GALNT14: variants seen among roughly 807,000 people sequenced by gnomAD.
GALNT14 encodes the protein UDP-GalNAc:polypeptide N-acetylgalactosaminyltransferase 14.
Under a neutral mutation model 77.5 loss-of-function variants are expected in GALNT14, and 60 were observed. The observed-to-expected ratio is 0.77, with a 90% CI of 0.63 to 0.96. The LOEUF (loss-of-function observed/expected upper bound fraction) is 0.96, where lower values mean the gene tolerates loss of function less well. GALNT14 is among the 40% of genes least tolerant of loss of function. GALNT14 has a pLI of 0.00. For synonymous variants in GALNT14, 280 were observed against 281.7 expected (o/e 0.99, Z 0.06); for missense variants, 710 against 731.0 (o/e 0.97, Z 0.33).
At chr2:31,023,100 G>C (rs1457272848) in intron 1 of GALNT14, among the ~76,000 whole-genome samples, 3 of 152,118 alleles carry the variant, frequency 2.0e-5, no homozygotes, top group Admixed American at 2.0e-4. Context: ...AGATATGGGA[G>C]AGTTTTCTAA....
At chr2:31,130,722 C>T (rs1678932687) in intron 1 of GALNT14, among the ~76,000 whole-genome samples, 1 of 146,042 alleles carries the variant, frequency 6.8e-6, no homozygotes, top group African/African-American at 2.6e-5. Context: ...TGCAGAATTC[C>T]CCAGGGTACC....
intron 1 of GALNT14, among the ~76,000 whole-genome samples, chr2:31,082,816 G>A (rs752360404): frequency 2.6e-5 from 4 of 152,102 alleles, no homozygotes; most frequent in Admixed American, 6.5e-5. Context: ...TCAAAAGACC[G>A]AGACCATCCT....
intron 2 of GALNT14, among the ~76,000 whole-genome samples, chr2:30,977,838 A>C (rs1168302585): frequency 2.6e-5 from 4 of 152,032 alleles, no homozygotes; most frequent in Non-Finnish European, 4.4e-5. Flanking sequence ...CCAATACTGC[A>C]CTCAAATCTG....
At chr2:30,953,565 C>T (rs1235400681) in intron 6 of GALNT14, among the ~76,000 whole-genome samples, 2 of 152,198 alleles carry the variant, frequency 1.3e-5, no homozygotes, top group South Asian at 2.1e-4. Flanking sequence ...ACCTTGGCCT[C>T]CCAAAGTGCT....
intron 1 of GALNT14, among the ~76,000 whole-genome samples, chr2:31,031,287 C>G (rs1672395476): frequency 6.6e-6 from 1 of 152,040 alleles, no homozygotes; most frequent in Admixed American, 6.6e-5. Context: ...GTCCCAAACT[C>G]TCTATCCTAA....
At chr2:31,091,510 G>T (rs1676737268) in intron 1 of GALNT14, among the ~76,000 whole-genome samples, 1 of 152,244 alleles carries the variant, frequency 6.6e-6, no homozygotes, top group South Asian at 2.1e-4. Context: ...CCACTCCTGT[G>T]AAAGGATCTA....
chr2:30,951,664 A>G lies in GALNT14; in HGVS notation c.654+3954T>C, dbSNP rs146095611. 5.7e-3 allele frequency among the ~76,000 whole-genome samples: 874 copies of G among 152,348 alleles called. 5 individuals carry two copies. The highest frequency in any genetic ancestry group is 0.01 in the Non-Finnish European group (712 of 68,034). ...ACAAAACACGCACACACATGCACGC[A>G]CACGTGCACACATACACACATGCAC... On this transcript the variant is annotated intron_variant, in intron 6 of 14. Transcript: ENST00000349752.
In GALNT14 at chr2:30,910,882, C is replaced by G; in HGVS notation, c.*19G>C. The G allele has an allele frequency of 6.2e-7, 1 of 1,612,288 alleles. No individual in the cohort carries two copies. Among genetic ancestry groups the G allele is most frequent in the Non-Finnish European group, 8.5e-7 (1 of 1,179,166 alleles). ...GGGAAGCACCACCCCATGGCCCTTG[C>G]TGCTTCTGGCAGGGGTCCTCAAGAG... On this transcript the variant is annotated 3_prime_UTR_variant, in exon 15 of 15. Transcript: ENST00000349752.
At chr2:30,951,440 G>A (rs562015121) in intron 6 of GALNT14, among the ~76,000 whole-genome samples, 2 of 152,242 alleles carry the variant, frequency 1.3e-5, no homozygotes, top group East Asian at 3.9e-4. Flanking sequence ...GAGAAGAGGA[G>A]AATGAGGAGT....
At chr2:30,949,959 GA>G (rs1237723250) in intron 6 of GALNT14, among the ~76,000 whole-genome samples, 4 of 152,222 alleles carry the variant, frequency 2.6e-5, no homozygotes, top group African/African-American at 9.6e-5. Context: ...CAGCTGGGTT[GA>G]CAGGACACCT....
chr2:31,062,504 T>C (rs775752380), intron 1 of GALNT14, among the ~76,000 whole-genome samples: 1 of 152,238 alleles, frequency 6.6e-6, no homozygotes, highest in Non-Finnish European at 1.5e-5. Flanking sequence ...CTATTGCAAA[T>C]AGTGCTGCAG....
chr2:31,014,816 C>T, intron 1 of GALNT14, among the ~76,000 whole-genome samples: 1 of 152,218 alleles, frequency 6.6e-6, no homozygotes, highest in East Asian at 1.9e-4. Flanking sequence ...GTGGGTTGTA[C>T]CCTTACACCA....
chr2:31,019,677 T>C (rs1371633112), intron 1 of GALNT14, among the ~76,000 whole-genome samples: 1 of 151,894 alleles, frequency 6.6e-6, no homozygotes, highest in Non-Finnish European at 1.5e-5. Flanking sequence ...TTCCTGGGAG[T>C]GGCAGCTTGA....
chr2:31,041,664 A>C (rs558823627), intron 1 of GALNT14, among the ~76,000 whole-genome samples: 4 of 152,212 alleles, frequency 2.6e-5, no homozygotes, highest in Admixed American at 6.5e-5. Flanking sequence ...AGATGATGGG[A>C]AGAAGGTGAG....
chr2:31,051,140 C>T (rs1479700985), intron 1 of GALNT14, among the ~76,000 whole-genome samples: 1 of 152,158 alleles, frequency 6.6e-6, no homozygotes, highest in Admixed American at 6.5e-5. Context: ...GTGGTTACAC[C>T]CTTCCTTGGC....
At chr2:30,914,786 G>A (rs537341039) in intron 13 of GALNT14, among the ~76,000 whole-genome samples, 4 of 152,294 alleles carry the variant, frequency 2.6e-5, no homozygotes, top group East Asian at 1.9e-4. Flanking sequence ...TGAGACCCAC[G>A]CAGGGTTTTG....
At chr2:31,098,488 G>A (rs1677103057) in intron 1 of GALNT14, among the ~76,000 whole-genome samples, 1 of 152,062 alleles carries the variant, frequency 6.6e-6, no homozygotes, top group Non-Finnish European at 1.5e-5. Context: ...AATTAAAAAG[G>A]CATGCAATGA....
intron 1 of GALNT14, among the ~76,000 whole-genome samples, chr2:31,004,070 T>C (rs1442875707): frequency 1.3e-5 from 2 of 152,214 alleles, no homozygotes; most frequent in African/African-American, 4.8e-5. Context: ...GAAGAACACA[T>C]CCCAATTGCC....
intron 1 of GALNT14, among the ~76,000 whole-genome samples, chr2:31,008,091 C>T (rs867498): frequency 0.29 from 43,856 of 151,816 alleles, 6,571 homozygotes; most frequent in East Asian, 0.4. Flanking sequence ...TCTATTTATT[C>T]ATTTATATAT....
Sources: allele counts gnomAD v4.1 joint callset (sites outside exome capture counted in the v4.1 genomes callset), GRCh38; gene constraint gnomAD v4.1.1; transcripts MANE v1.5; gene names NCBI Gene and HGNC (gene_info 2026-07-23, HGNC 2026-07-21).